Variants in SUPT3H observed in about 807,000 individuals in gnomAD.
SUPT3H encodes transcription initiation protein SPT3 homolog.
A neutral mutation model predicts 44.3 loss-of-function variants in SUPT3H; 44 were observed. That is an observed-to-expected ratio of 0.99 (90% confidence interval 0.78 to 1.28). SUPT3H has a LOEUF of 1.28. Among genes scored for constraint, SUPT3H ranks in the 50% most tolerant of loss-of-function variants. SUPT3H has a pLI of 0.00. For missense variants in SUPT3H, 380 were observed against 387.1 expected (o/e 0.98, Z 0.15); for synonymous variants, 124 against 125.6 (o/e 0.99, Z 0.09).
chr6:45,176,734 A>T (rs528660784), intron 2 of SUPT3H, among the ~76,000 whole-genome samples: 1 of 152,314 alleles, frequency 6.6e-6, no homozygotes, highest in East Asian at 1.9e-4. Flanking sequence ...ATCTGAGAAC[A>T]GGCAGACTGC....
Position 45,238,551 on chromosome 6 carries a change from A to G in SUPT3H, c.101+126650T>C, listed in dbSNP as rs1769648272. On this transcript the variant is annotated intron_variant, in intron 2 of 10. Coordinates refer to ENST00000371459, the MANE Select transcript of SUPT3H (RefSeq NM_003599.4). ...CAGCTGATTGAAAGGCAAGTCCATAAAGCTCAAATAAATAGAATAGATCCC... is the reference window on the plus strand; with the variant it reads ...CAGCTGATTGAAAGGCAAGTCCATAGAGCTCAAATAAATAGAATAGATCCC... Among the ~76,000 whole-genome samples the G allele has an allele frequency of 2.0e-5, 3 of 152,164 alleles. No homozygotes were observed. In the South Asian group the frequency reaches 6.2e-4, roughly 32 times the overall value.
intron 9 of SUPT3H, among the ~76,000 whole-genome samples, chr6:44,940,096 G>T (rs376321694): frequency 2.0e-5 from 3 of 151,744 alleles, no homozygotes; most frequent in East Asian, 1.9e-4. Context: ...TCTGGGTTTG[G>T]TATTTTCTTG....
intron 10 of SUPT3H, among the ~76,000 whole-genome samples, chr6:44,902,817 T>C (rs1765319246): frequency 1.3e-5 from 2 of 151,900 alleles, no homozygotes; most frequent in Admixed American, 6.6e-5. Flanking sequence ...GAACAGAAAT[T>C]ATAACAAACT....
chr6:45,255,130 T>C (rs1327810767), intron 2 of SUPT3H, among the ~76,000 whole-genome samples: 1 of 152,182 alleles, frequency 6.6e-6, no homozygotes, highest in Admixed American at 6.5e-5. Context: ...CTATGCCTAA[T>C]TAATTAAACT....
At chr6:45,043,299 G>T (rs1178520653) in intron 3 of SUPT3H, among the ~76,000 whole-genome samples, 2 of 152,082 alleles carry the variant, frequency 1.3e-5, no homozygotes, top group African/African-American at 4.8e-5. Flanking sequence ...CACACAAATA[G>T]AAATAAACGG....
chr6:45,295,524 C>CAA lies in SUPT3H; in HGVS notation c.101+69675_101+69676dup, dbSNP rs752887669. 6.8e-3 allele frequency among the ~76,000 whole-genome samples: 272 copies of CAA among 40,080 alleles called. 26 individuals carry two copies. Among genetic ancestry groups the CAA allele is most frequent in the East Asian group, 0.017 (7 of 406 alleles). 26.3% of individuals were successfully genotyped at this position (40,080 alleles called of 152,430 possible). A position where few individuals can be genotyped will look rare whatever the true frequency, so the allele number is the denominator to read the frequency against. On this transcript the variant is annotated intron_variant, in intron 2 of 10. Coordinates refer to ENST00000371459, the MANE Select transcript of SUPT3H (RefSeq NM_003599.4). ...ATTAAACGAAAGAGCTTTTGCACAGCAAAAAAAAAAAAAAAAAAAAAAAAA... is the reference window on the plus strand; with the variant it reads ...ATTAAACGAAAGAGCTTTTGCACAGCAAAAAAAAAAAAAAAAAAAAAAAAAAA...
chr6:45,347,420 A>C (rs1465344827), intron 2 of SUPT3H, among the ~76,000 whole-genome samples: 4 of 152,208 alleles, frequency 2.6e-5, no homozygotes, highest in African/African-American at 9.6e-5. Context: ...ACACAAAAGA[A>C]ATACCTCAAC....
Position 45,168,540 on chromosome 6 carries a change from T to C in SUPT3H, c.102-62534A>G, listed in dbSNP as rs1242749816. Among the ~76,000 whole-genome samples, 4 of 152,106 alleles carry C rather than the reference T, an allele frequency of 2.6e-5. No homozygotes were observed. The East Asian group carries it at 5.8e-4, about 22-fold the overall frequency. On this transcript the variant is annotated intron_variant, in intron 2 of 10. Transcript: ENST00000371459. ...AGGTACATCCTTAACCCTGGCAAAA[T>C]ACACTTTCTAAAATGACTGAGACCT...
At chr6:44,946,447 G>A (rs1232585259) in intron 9 of SUPT3H, among the ~76,000 whole-genome samples, 1 of 152,202 alleles carries the variant, frequency 6.6e-6, no homozygotes, top group Non-Finnish European at 1.5e-5. Context: ...ATGCCATTAA[G>A]AACATCTGTG....
At chr6:45,006,398 C>T (rs1262100320) in intron 5 of SUPT3H, among the ~76,000 whole-genome samples, 1 of 151,284 alleles carries the variant, frequency 6.6e-6, no homozygotes, top group Non-Finnish European at 1.5e-5. Flanking sequence ...ATGGTTTGGC[C>T]ATGTTGATAG....
At position 45,079,035 on chromosome 6, in the gene SUPT3H, G is replaced by A. The variant is rs1230283027; in HGVS notation, c.186+26887C>T. On this transcript the variant is annotated intron_variant, in intron 3 of 10. Coordinates refer to ENST00000371459, the MANE Select transcript of SUPT3H (RefSeq NM_003599.4). ...ATTATTTTGTTACATATATTGCTGG[G>A]CGCGGTGGCTCATGCCTATAATCCC... 2.0e-5 allele frequency among the ~76,000 whole-genome samples: 3 copies of A among 152,150 alleles called. No individual in the cohort carries two copies. In the East Asian group the frequency reaches 5.8e-4, roughly 29 times the overall value.
intron 10 of SUPT3H, among the ~76,000 whole-genome samples, chr6:44,912,726 T>C (rs2153453573): frequency 6.6e-6 from 1 of 152,326 alleles, no homozygotes; most frequent in South Asian, 2.1e-4. Flanking sequence ...TTAACACTTA[T>C]CTACAGAATG....
chr6:45,252,659 T>C (rs539855293), intron 2 of SUPT3H, among the ~76,000 whole-genome samples: 1 of 151,804 alleles, frequency 6.6e-6, no homozygotes, highest in African/African-American at 2.4e-5. Flanking sequence ...AAAAGGATGC[T>C]GTCAGAAAAC....
intron 2 of SUPT3H, among the ~76,000 whole-genome samples, chr6:45,271,623 C>G (rs552533885): frequency 6.6e-6 from 1 of 152,164 alleles, no homozygotes; most frequent in Non-Finnish European, 1.5e-5. Flanking sequence ...TCATGGAGAA[C>G]CTTTGCTCAG....
At chr6:45,351,071 C>CATA (rs1037820461) in intron 2 of SUPT3H, among the ~76,000 whole-genome samples, 26 of 152,124 alleles carry the variant, frequency 1.7e-4, no homozygotes, top group African/African-American at 6.3e-4. Flanking sequence ...ATCCCAAAAC[C>CATA]ATACGCCCCA....
rs1421875074 is a variant in SUPT3H, at chr6:44,828,912, C to CAAAG, written c.*900_*903dup. The CAAAG allele has an allele frequency of 1.3e-5, 2 of 152,488 alleles. No individual in the cohort carries two copies. Among genetic ancestry groups the CAAAG allele is most frequent in the African/African-American group, 4.8e-5 (2 of 41,400 alleles). 9.4% of individuals were successfully genotyped at this position (152,488 alleles called of 1,614,324 possible). A position where few individuals can be genotyped will look rare whatever the true frequency, so the allele number is the denominator to read the frequency against. ...ACATCTGCTATATTTTGGTTTGTTC[C>CAAAG]AAAGAGTTACGGTTCCTCATTTACT... On this transcript the variant is annotated 3_prime_UTR_variant, in exon 11 of 11. Transcript: ENST00000371459.
chr6:44,876,857 GAAAAA>G (rs1198321571), intron 10 of SUPT3H, among the ~76,000 whole-genome samples: 4 of 115,972 alleles, frequency 3.4e-5, no homozygotes, highest in Admixed American at 3.4e-4. Context: ...AAAAGAAAAA[GAAAAA>G]AAAAGTGTAT....
chr6:44,979,718 G>A (rs1177555955), intron 6 of SUPT3H, among the ~76,000 whole-genome samples: 2 of 152,066 alleles, frequency 1.3e-5, no homozygotes, highest in African/African-American at 4.8e-5. Context: ...GACAAAAAAA[G>A]TTCGTTTTAC....
At chr6:45,174,194 GT>G (rs1173284019) in intron 2 of SUPT3H, among the ~76,000 whole-genome samples, 2 of 152,226 alleles carry the variant, frequency 1.3e-5, no homozygotes, top group Non-Finnish European at 2.9e-5. Flanking sequence ...GGTTACAGTG[GT>G]TAAGAGTCAA....
Sources: gnomAD v4.1 joint callset for allele counts (sites outside exome capture counted in the v4.1 genomes callset) on GRCh38, gnomAD v4.1.1 for gene constraint, MANE v1.5 for transcripts, NCBI Gene and HGNC (gene_info 2026-07-23, HGNC 2026-07-21) for gene names.